The following ADA variants were observed in gnomAD, a reference collection of about 807,000 sequenced individuals.
The protein encoded by ADA is adenosine deaminase.
Under a neutral mutation model 49.0 loss-of-function variants are expected in ADA, and 45 were observed. The ratio of observed to expected loss-of-function variants is 0.92; its 90% CI spans 0.72 to 1.18. ADA has a LOEUF of 1.18. Ranked by LOEUF, ADA falls within the 50% of genes most tolerant of loss-of-function variation. ADA has a pLI of 0.00. For missense variants in ADA, 445 were observed against 472.5 expected (o/e 0.94, Z 0.54); for synonymous variants, 173 against 184.2 (o/e 0.94, Z 0.49).
Position 44,651,629 on chromosome 20 carries a change from G to T in ADA, c.-22C>A, listed in dbSNP as rs1245819010. ...CCATGGTGCCCTCGTGCGCCCCGGCGCTGCTCCCTCCGCCGCCGCTCGGTG... is the reference window on the plus strand; with the variant it reads ...CCATGGTGCCCTCGTGCGCCCCGGCTCTGCTCCCTCCGCCGCCGCTCGGTG... On this transcript the variant is annotated 5_prime_UTR_variant, in exon 1 of 12. Coordinates refer to ENST00000372874, the MANE Select transcript of ADA (RefSeq NM_000022.4). 69 of 1,512,782 alleles carry T rather than the reference G, an allele frequency of 4.6e-5. No individual in the cohort carries two copies. The highest frequency in any genetic ancestry group is 6.1e-5 in the Non-Finnish European group (69 of 1,138,292). The allele number at this position is 1,512,782 out of a possible 1,614,324, so 93.7% of individuals were successfully genotyped here. A position where few individuals can be genotyped will look rare whatever the true frequency, so the allele number is the denominator to read the frequency against.
At chr20:44,629,219 A>G (rs758198898) in intron 2 of ADA, 50 bp from the exon 3 acceptor site, 3 of 1,613,084 alleles carry the variant, frequency 1.9e-6, no homozygotes, top group Admixed American at 3.3e-5. Context: ...GGATCCAGGC[A>G]GGCCTGACAG....
At position 44,620,721 on chromosome 20, in the gene ADA, T is replaced by C. The variant is rs2123509409; in HGVS notation, c.975+297A>G. On this transcript the variant is annotated intron_variant, in intron 10 of 11. Transcript: ENST00000372874. ...TTCAGCCTGGGATTTAAGAACAACCTGAAGAGAGTGTGCAAGACTTCATAG... is the reference window on the plus strand; with the variant it reads ...TTCAGCCTGGGATTTAAGAACAACCCGAAGAGAGTGTGCAAGACTTCATAG... The C allele has an allele frequency of 8.9e-6, 5 of 561,186 alleles. No individual in the cohort carries two copies. In the South Asian group the frequency reaches 1.0e-4, roughly 11 times the overall value. The allele number at this position is 561,186 out of a possible 1,614,324, so 34.8% of individuals were successfully genotyped here. A position where few individuals can be genotyped will look rare whatever the true frequency, so the allele number is the denominator to read the frequency against.
At chr20:44,619,938 A>G in intron 11 of ADA, 91 bp from the exon 12 acceptor site, 1 of 1,525,796 alleles carries the variant, frequency 6.6e-7, no homozygotes, top group Non-Finnish European at 9.1e-7. Flanking sequence ...CCAGAAAGGA[A>G]CTCCTTCCTA....
chr20:44,621,110 C>G lies in ADA; in HGVS notation c.883G>C (p.Asp295His). ...NDQANYSLNT[D>H]DPLIFKSTLD... is the part of the protein sequence containing the mutation. ...GTGGACTTGAAGATGAGCGGGTCATCTGTGTTGAGCGAGTAGTTAGCCTGG... is the reference window on the plus strand; with the variant it reads ...GTGGACTTGAAGATGAGCGGGTCATGTGTGTTGAGCGAGTAGTTAGCCTGG... The change falls in exon 10 of 12, where the codon GAT becomes CAT. Residue 295 changes from aspartate (D) to histidine (H), a missense_variant. Physicochemically the swap from Asp to His is moderately conservative, Grantham distance 81. Coordinates refer to ENST00000372874, the MANE Select transcript of ADA (RefSeq NM_000022.4). 1 of 1,614,174 alleles carries G rather than the reference C, an allele frequency of 6.2e-7. No individual in the cohort carries two copies.
At chr20:44,648,835 C>G (rs1179048117) in intron 1 of ADA, among the ~76,000 whole-genome samples, 1 of 152,022 alleles carries the variant, frequency 6.6e-6, no homozygotes, top group Non-Finnish European at 1.5e-5. Context: ...AGGCCCCAAC[C>G]CGACCCACAC....
Position 44,620,334 on chromosome 20 carries a change from T to G in ADA, c.1043A>C (p.Tyr348Ser). 1 of 1,614,194 alleles carries G rather than the reference T, an allele frequency of 6.2e-7. No homozygotes were observed. Among genetic ancestry groups the G allele is most frequent in the Non-Finnish European group, 8.5e-7 (1 of 1,180,040 alleles). Residue 348 changes from tyrosine to serine, a missense_variant, in exon 11 of 12, where the codon TAT (tyrosine) becomes TCT (serine). Tyr to Ser is a moderately radical substitution (Grantham distance 144). Coordinates refer to ENST00000372874, the MANE Select transcript of ADA (RefSeq NM_000022.4). ...TGAAGGTGGCATCCCATAGGCTTTA[T>G]AGAGCAGGTCGAGAAGCTCCCTCTT... ...DEKRELLDLL[Y>S]KAYGMPPSAS... is the part of the protein sequence containing the mutation.
chr20:44,633,330 C>T (rs2065450622), intron 2 of ADA, among the ~76,000 whole-genome samples: 1 of 152,312 alleles, frequency 6.6e-6, no homozygotes, highest in African/African-American at 2.4e-5. Flanking sequence ...GGGTTTGAAT[C>T]CCAGCTCTGT....
At chr20:44,634,057 G>C (rs899773362) in intron 2 of ADA, among the ~76,000 whole-genome samples, 58 of 152,274 alleles carry the variant, frequency 3.8e-4, no homozygotes, top group African/African-American at 1.4e-3. Flanking sequence ...GGTGGTGTGA[G>C]GAATGGACGA....
intron 10 of ADA, 158 bp downstream of exon 10, chr20:44,620,860 A>G: frequency 9.8e-7 from 1 of 1,017,374 alleles, no homozygotes; most frequent in Non-Finnish European, 1.5e-6. Flanking sequence ...CGTCAACACA[A>G]AGATGTCTTC....
At chr20:44,620,955 T>G (rs2065324890) in intron 10 of ADA, 63 bp downstream of exon 10, 3 of 1,608,882 alleles carry the variant, frequency 1.9e-6, no homozygotes, top group Admixed American at 1.7e-5. Context: ...GGCCCCGGAC[T>G]GGACCTGTAG....
At position 44,625,693 on chromosome 20, in the gene ADA, G is replaced by A. The variant is rs1308485405; in HGVS notation, c.363-9C>T. ...CTGGGGTGAGGTCCCCTCTGTGTGA[G>A]GAGAGGAGTAGGGATGGGCCTGAGG... On this transcript the variant is annotated splice_polypyrimidine_tract_variant and intron_variant, in intron 4 of 11. Transcript: ENST00000372874. 2 of 1,553,856 alleles carry A rather than the reference G, an allele frequency of 1.3e-6. No individual in the cohort carries two copies. The highest frequency in any genetic ancestry group is 1.9e-5 in the Admixed American group (1 of 51,524).
chr20:44,641,895 G>A (rs1267042594), intron 1 of ADA, among the ~76,000 whole-genome samples: 1 of 151,636 alleles, frequency 6.6e-6, no homozygotes, highest in Admixed American at 6.6e-5. Flanking sequence ...AGCCTCCCAA[G>A]TAGCTGGGAT....
intron 1 of ADA, among the ~76,000 whole-genome samples, chr20:44,643,668 A>T (rs73300354): frequency 2.0e-5 from 3 of 152,048 alleles, no homozygotes; most frequent in African/African-American, 7.2e-5. Context: ...CCTGGCACTC[A>T]TGTCGAGACA....
chr20:44,635,932 A>C (rs570088103), intron 2 of ADA: 1 of 446,520 alleles, frequency 2.2e-6, no homozygotes, highest in South Asian at 2.5e-5. Context: ...CAGCCCTGGG[A>C]ACTACCTTCA....
chr20:44,651,475 T>C, intron 1 of ADA, 100 bp downstream of exon 1: 1 of 1,213,392 alleles, frequency 8.2e-7, no homozygotes, highest in Non-Finnish European at 1.2e-6. Context: ...GGAGCCCCCG[T>C]TCGTTCCCAG....
At chr20:44,625,454 G>A in intron 5 of ADA, 115 bp downstream of exon 5, 1 of 950,366 alleles carries the variant, frequency 1.1e-6, no homozygotes, top group South Asian at 1.4e-5. Flanking sequence ...GGGCTCAAGG[G>A]GACACCATGG....
intron 6 of ADA, among the ~76,000 whole-genome samples, chr20:44,623,715 C>CTTTG (rs1190932628): frequency 6.6e-6 from 1 of 150,640 alleles, no homozygotes; most frequent in African/African-American, 2.5e-5. Flanking sequence ...TCCTTCCTCT[C>CTTTG]TTTCTTTCTC....
At chr20:44,622,678 A>C in intron 8 of ADA, 26 bp from the exon 9 acceptor site, 1 of 1,614,102 alleles carries the variant, frequency 6.2e-7, no homozygotes, top group Non-Finnish European at 8.5e-7. Flanking sequence ...TGTGGCTGGC[A>C]GGGATGGCCC....
chr20:44,621,218 T>C (rs960438401), intron 9 of ADA, 71 bp from the exon 10 acceptor site: 2 of 1,594,390 alleles, frequency 1.3e-6, no homozygotes, highest in Admixed American at 3.4e-5. Flanking sequence ...CACATTGACG[T>C]TCACCCGCCT....
Sources: gnomAD v4.1 joint callset for allele counts (sites outside exome capture counted in the v4.1 genomes callset) on GRCh38, gnomAD v4.1.1 for gene constraint, MANE v1.5 for transcripts, NCBI Gene and HGNC (gene_info 2026-07-23, HGNC 2026-07-21) for gene names.